The following FBLN1 variants were observed in gnomAD, a reference collection of about 807,000 sequenced individuals.
FBLN1 encodes the protein fibulin-1.
In FBLN1, 34 loss-of-function variants were observed where a neutral mutation model predicts 89.7. The ratio of observed to expected loss-of-function variants is 0.38; its 90% confidence interval spans 0.29 to 0.50. FBLN1 has a LOEUF of 0.50. FBLN1 is among the 20% of genes least tolerant of loss of function. The pLI, the probability that FBLN1 is intolerant of heterozygous loss-of-function variation, is 0.92. For missense variants in FBLN1, 777 were observed against 988.1 expected (o/e 0.79, Z 2.86); for synonymous variants, 393 against 391.3 (o/e 1.00, Z -0.05).
chr22:45,505,968 C>T (rs1399665522), intron 1 of FBLN1, among the ~76,000 whole-genome samples: 1 of 152,160 alleles, frequency 6.6e-6, no homozygotes, highest in Non-Finnish European at 1.5e-5. Flanking sequence ...GGGGTTTCAC[C>T]ATCTTGGCCA....
At chr22:45,521,624 GGCTCCAGGTCACAGTGA>G (rs1368840902) in intron 2 of FBLN1, among the ~76,000 whole-genome samples, 2 of 152,302 alleles carry the variant, frequency 1.3e-5, no homozygotes, top group African/African-American at 4.8e-5. Flanking sequence ...GCCAAGCCTG[GGCTCCAGGTCACAGTGA>G]GACGGAGCCC....
chr22:45,598,238 G>A (rs1569271132), intron 16 of FBLN1, among the ~76,000 whole-genome samples: 1 of 152,214 alleles, frequency 6.6e-6, no homozygotes, highest in Non-Finnish European at 1.5e-5. Flanking sequence ...GCTCACACCA[G>A]CTCTGGAGAG....
Position 45,556,552 on chromosome 22 carries a change from A to G in FBLN1, c.1697+5937A>G, listed in dbSNP as rs1247985973. On this transcript the variant is annotated intron_variant, in intron 14 of 16. Coordinates refer to ENST00000327858, the MANE Select transcript of FBLN1 (RefSeq NM_006486.3). The surrounding 1 kb of genome is among the most constrained non-coding windows in gnomAD (Gnocchi z 4.6). ...GCTGTTGTAGTTTCCCATTGACCTT[A>G]ATCACAGGGCATGGTAATACTGAGA... is the stretch of plus-strand genomic sequence containing the variant. Among the ~76,000 whole-genome samples, 1 of 151,874 alleles carries G rather than the reference A, an allele frequency of 6.6e-6. No homozygotes were observed. Among genetic ancestry groups the G allele is most frequent in the Non-Finnish European group, 1.5e-5 (1 of 67,994 alleles).
chr22:45,586,464 C>G (rs938232016), intron 16 of FBLN1, among the ~76,000 whole-genome samples: 1 of 152,212 alleles, frequency 6.6e-6, no homozygotes, highest in Non-Finnish European at 1.5e-5. Context: ...GATTACACAG[C>G]TCCACATCTG....
At chr22:45,513,623 A>C (rs6007074) in intron 1 of FBLN1, among the ~76,000 whole-genome samples, 28 of 151,952 alleles carry the variant, frequency 1.8e-4, no homozygotes, top group African/African-American at 6.5e-4. Context: ...CAAACTGTTA[A>C]ATACTAACTC....
chr22:45,575,417 T>C lies in FBLN1; in HGVS notation c.1840+764T>C, dbSNP rs1056683144. ...GCGTTTGAGAAACTGAGCCAAGGTTTTCTGCTGGAGCGCTAGAGGCTTGGC... is the reference window on the plus strand; with the variant it reads ...GCGTTTGAGAAACTGAGCCAAGGTTCTCTGCTGGAGCGCTAGAGGCTTGGC... On this transcript the variant is annotated intron_variant, in intron 15 of 16. Coordinates refer to ENST00000327858, the MANE Select transcript of FBLN1 (RefSeq NM_006486.3). This position sits in a 1 kb window ranked among gnomAD's most constrained non-coding sequence, Gnocchi z 6.3. Among the ~76,000 whole-genome samples the C allele has an allele frequency of 2.6e-5, 4 of 152,040 alleles. No homozygotes were observed. Among genetic ancestry groups the C allele is most frequent in the African/African-American group, 9.7e-5 (4 of 41,402 alleles).
chr22:45,546,627 T>G (rs560948762), intron 11 of FBLN1, among the ~76,000 whole-genome samples: 3 of 152,340 alleles, frequency 2.0e-5, no homozygotes, highest in African/African-American at 7.2e-5. Flanking sequence ...TGAGCAGTAG[T>G]TCAGAGTTGC....
In FBLN1 at chr22:45,600,940, A is replaced by G. The variant is rs1920926585; in HGVS notation, c.*494A>G. 2 of 191,990 alleles carry G rather than the reference A, an allele frequency of 1.0e-5. No individual in the cohort carries two copies. Among genetic ancestry groups the G allele is most frequent in the African/African-American group, 4.8e-5 (2 of 42,062 alleles). 11.9% of individuals were successfully genotyped at this position (191,990 alleles called of 1,614,324 possible). On this transcript the variant is annotated 3_prime_UTR_variant, in exon 17 of 17. Transcript: ENST00000327858. ...TTATCCCCAGAAGCAGCATGACAGA[A>G]TGCCTCGGGGAGCACTTGGAAGGGA... is the stretch of plus-strand genomic sequence containing the variant.
intron 2 of FBLN1, among the ~76,000 whole-genome samples, chr22:45,525,133 G>T (rs1294178636): frequency 6.8e-6 from 1 of 147,904 alleles, no homozygotes; most frequent in African/African-American, 2.5e-5. Flanking sequence ...AAGAAAAACA[G>T]AGAGAAAGAA....
rs2088693377 is a variant in FBLN1, at chr22:45,550,914, G to A, written c.1697+299G>A. On this transcript the variant is annotated intron_variant, in intron 14 of 16. Coordinates refer to ENST00000327858, the MANE Select transcript of FBLN1 (RefSeq NM_006486.3). This position sits in a 1 kb window ranked among gnomAD's most constrained non-coding sequence, Gnocchi z 8.4. ...CTTTTTTCCTAGGGTGGAAGCCTTGGGCAAGCTCTCTGGGCCTCAGTTTCC... is the reference window on the plus strand; with the variant it reads ...CTTTTTTCCTAGGGTGGAAGCCTTGAGCAAGCTCTCTGGGCCTCAGTTTCC... 2 of 472,954 alleles carry A rather than the reference G, an allele frequency of 4.2e-6. No individual in the cohort carries two copies. The highest frequency in any genetic ancestry group is 2.0e-5 in the African/African-American group (1 of 51,036). The allele number at this position is 472,954 out of a possible 1,614,324, so 29.3% of individuals were successfully genotyped here.
chr22:45,512,115 A>G (rs1461994682), intron 1 of FBLN1, among the ~76,000 whole-genome samples: 1 of 151,760 alleles, frequency 6.6e-6, no homozygotes, highest in East Asian at 1.9e-4. Flanking sequence ...GTGGGTGTCC[A>G]GTGTGGTACT....
chr22:45,571,592 T>C (rs954777516), intron 14 of FBLN1, among the ~76,000 whole-genome samples: 1 of 152,202 alleles, frequency 6.6e-6, no homozygotes, highest in African/African-American at 2.4e-5. Context: ...TGTGGGATAA[T>C]GATGGGATAC....
chr22:45,530,199 AGAC>A lies in FBLN1; in HGVS notation c.485-1062_485-1060del, dbSNP rs1358310631. On this transcript the variant is annotated intron_variant, in intron 4 of 16. Transcript: ENST00000327858. The surrounding 1 kb of genome is among the most constrained non-coding windows in gnomAD (Gnocchi z 5.4). ...CTCATTCCTTGGCTTTTGAAATCAG[AGAC>A]GACATTTTCACTTTAAACAAACCCA... 6.6e-6 allele frequency among the ~76,000 whole-genome samples: 1 copy of A among 151,974 alleles called. No homozygotes were observed. The highest frequency in any genetic ancestry group is 1.5e-5 in the Non-Finnish European group (1 of 68,024).
chr22:45,559,017 T>A (rs2105925), intron 14 of FBLN1, among the ~76,000 whole-genome samples: 81,302 of 151,936 alleles, frequency 0.54, 21,894 homozygotes, highest in Middle Eastern at 0.64. Context: ...CCGAATAAGA[T>A]TATGACATGA....
intron 14 of FBLN1, chr22:45,551,086 C>A (rs2088695411): frequency 1.1e-5 from 3 of 265,816 alleles, no homozygotes; most frequent in Non-Finnish European, 2.2e-5. Context: ...TTCGTCCAGC[C>A]TGGTGACCGT....
At chr22:45,544,276 AG>A (rs1047467055) in intron 11 of FBLN1, among the ~76,000 whole-genome samples, 3 of 151,768 alleles carry the variant, frequency 2.0e-5, no homozygotes, top group African/African-American at 7.3e-5. Context: ...TAGTAGAGAC[AG>A]GGTTTCCCCA....
chr22:45,515,233 C>T (rs542552822), intron 1 of FBLN1, among the ~76,000 whole-genome samples: 2 of 152,262 alleles, frequency 1.3e-5, no homozygotes, highest in African/African-American at 4.8e-5. Context: ...TCTGCCTCGT[C>T]GCCATCCAGC....
At chr22:45,505,423 T>C (rs1312286513) in intron 1 of FBLN1, among the ~76,000 whole-genome samples, 1 of 152,232 alleles carries the variant, frequency 6.6e-6, no homozygotes, top group Non-Finnish European at 1.5e-5. Flanking sequence ...GATGAGACTC[T>C]GTGCCATGGG....
intron 8 of FBLN1, among the ~76,000 whole-genome samples, chr22:45,540,246 C>G (rs190117327): frequency 6.6e-6 from 1 of 152,310 alleles, no homozygotes; most frequent in East Asian, 1.9e-4. Flanking sequence ...GTCTCCGGAC[C>G]TTGGTTTCCT....
Sources: gnomAD v4.1 joint callset for allele counts (sites outside exome capture counted in the v4.1 genomes callset) on GRCh38, gnomAD v4.1.1 for gene constraint, Gnocchi (gnomAD v3.1) non-coding constraint, MANE v1.5 for transcripts, NCBI Gene and HGNC (gene_info 2026-07-23, HGNC 2026-07-21) for gene names.